CSMD1: variants seen among roughly 807,000 people sequenced by gnomAD.
The protein encoded by CSMD1 is CUB and sushi domain-containing protein 1.
Under a neutral mutation model 417.5 loss-of-function variants are expected in CSMD1, and 213 were observed. That is an observed-to-expected ratio of 0.51 (90% CI 0.46 to 0.57). The LOEUF is 0.57. Among genes scored for constraint, CSMD1 ranks in the 20% least tolerant of loss-of-function variants. CSMD1 has a pLI of 0.00. For missense variants in CSMD1, 6,923 were observed against 4,529.7 expected (o/e 1.53, Z -15.17); for synonymous variants, 2,862 against 1,736.8 (o/e 1.65, Z -16.11).
intron 4 of CSMD1, among the ~76,000 whole-genome samples, chr8:4,012,448 T>A (rs148636798): frequency 6.6e-6 from 1 of 152,268 alleles, no homozygotes; most frequent in African/African-American, 2.4e-5. Flanking sequence ...TTATTTTTGT[T>A]TCAGGGGTAC....
chr8:3,158,094 GTGAAATCTGTTTTTAGTAAT>G, intron 38 of CSMD1, 128 bp from the exon 39 acceptor site: 1 of 760,440 alleles, frequency 1.3e-6, no homozygotes, highest in Non-Finnish European at 2.1e-6. Context: ...TTCAAAAATT[GTGAAATCTGTTTTTAGTAAT>G]GATTATTAGT....
At chr8:4,516,783 CT>C (rs1265654076) in intron 2 of CSMD1, among the ~76,000 whole-genome samples, 113 of 152,244 alleles carry the variant, frequency 7.4e-4, no homozygotes, top group African/African-American at 2.6e-3. Context: ...ATGTAAAGTT[CT>C]TGTTGACCAA....
intron 19 of CSMD1, 145 bp from the exon 20 acceptor site, chr8:3,367,392 T>C: frequency 3.2e-6 from 2 of 619,220 alleles, no homozygotes; most frequent in Non-Finnish European, 2.9e-6. Context: ...GGAAGACAGA[T>C]TGCAGAGAGT....
At chr8:3,509,911 G>C (rs868823750) in intron 10 of CSMD1, among the ~76,000 whole-genome samples, 4 of 152,082 alleles carry the variant, frequency 2.6e-5, no homozygotes, top group East Asian at 1.9e-4. Flanking sequence ...GAAGCGATGA[G>C]GGCAACGCTT....
intron 68 of CSMD1, among the ~76,000 whole-genome samples, chr8:2,948,145 T>C (rs1802380527): frequency 6.6e-6 from 1 of 152,048 alleles, no homozygotes. Context: ...AGAAATATGG[T>C]GCCAAGGTTG....
intron 1 of CSMD1, among the ~76,000 whole-genome samples, chr8:4,827,044 G>C (rs1055279073): frequency 6.6e-6 from 1 of 152,032 alleles, no homozygotes; most frequent in Non-Finnish European, 1.5e-5. Context: ...TCCATGGATG[G>C]CTAACAGACT....
intron 1 of CSMD1, among the ~76,000 whole-genome samples, chr8:4,783,036 A>T (rs1331255489): frequency 2.6e-5 from 4 of 152,076 alleles, no homozygotes; most frequent in Non-Finnish European, 5.9e-5. Flanking sequence ...GGTAGCATTA[A>T]CTCTATAAAC....
chr8:3,871,982 G>C (rs575959448), intron 5 of CSMD1, among the ~76,000 whole-genome samples: 1 of 152,274 alleles, frequency 6.6e-6, no homozygotes, highest in African/African-American at 2.4e-5. Flanking sequence ...CTACAAACCT[G>C]CACTATTTCC....
chr8:3,074,169 G>A (rs1287845330), intron 49 of CSMD1, among the ~76,000 whole-genome samples: 2 of 152,324 alleles, frequency 1.3e-5, no homozygotes, highest in Admixed American at 6.5e-5. Context: ...AGCGTCCAGA[G>A]GCCCTGTGTT....
At chr8:3,043,609 G>C (rs1311966271) in intron 50 of CSMD1, 1 of 152,090 alleles carries the variant, frequency 6.6e-6, no homozygotes, top group Non-Finnish European at 1.5e-5. Flanking sequence ...CTGACTAGTA[G>C]TAGTTTTAGC....
intron 4 of CSMD1, among the ~76,000 whole-genome samples, chr8:4,018,732 G>C (rs1796642118): frequency 6.6e-6 from 1 of 152,178 alleles, no homozygotes; most frequent in Admixed American, 6.5e-5. Flanking sequence ...TGAGTTAGAA[G>C]AGAACGGACA....
chr8:4,428,782 T>C (rs990323339), intron 2 of CSMD1, among the ~76,000 whole-genome samples: 1 of 152,092 alleles, frequency 6.6e-6, no homozygotes, highest in African/African-American at 2.4e-5. Flanking sequence ...TGCAGTGGCG[T>C]GATCTTGGCT....
intron 2 of CSMD1, among the ~76,000 whole-genome samples, chr8:4,460,072 G>C (rs933417718): frequency 5.3e-5 from 8 of 152,090 alleles, no homozygotes; most frequent in African/African-American, 1.7e-4. Context: ...TTGTTTTCAA[G>C]GGCGTATGAA....
intron 7 of CSMD1, among the ~76,000 whole-genome samples, chr8:3,618,192 G>A (rs1450395318): frequency 1.3e-5 from 2 of 152,076 alleles, no homozygotes; most frequent in Non-Finnish European, 2.9e-5. Flanking sequence ...CTTTTCTAGA[G>A]ATGGAGTCTC....
At chr8:4,914,937 G>T (rs372197880) in intron 1 of CSMD1, among the ~76,000 whole-genome samples, 2 of 152,110 alleles carry the variant, frequency 1.3e-5, no homozygotes, top group South Asian at 2.1e-4. Context: ...TTTATCCAAA[G>T]AAAATGATGA....
chr8:4,639,935 G>C (rs1212802439), intron 1 of CSMD1, among the ~76,000 whole-genome samples: 1 of 152,074 alleles, frequency 6.6e-6, no homozygotes, highest in East Asian at 1.9e-4. Context: ...AAAGCTGTGG[G>C]GTTTTGAAAG....
In CSMD1 at chr8:2,938,408, G is replaced by A. The variant is rs968257661; in HGVS notation, c.*177C>T. On this transcript the variant is annotated 3_prime_UTR_variant, in exon 70 of 70. Coordinates refer to ENST00000635120, the MANE Select transcript of CSMD1 (RefSeq NM_033225.6). Reference sequence around the variant, plus strand: ...TGAAAACGCATGTGTAGTTTGATCCGTAGAAGACCCTGACACATTTGAGTA... The same window carrying A: ...TGAAAACGCATGTGTAGTTTGATCCATAGAAGACCCTGACACATTTGAGTA... The A allele has an allele frequency of 1.0e-5, 6 of 592,794 alleles. No individual in the cohort carries two copies. The highest frequency in any genetic ancestry group is 3.4e-5 in the Admixed American group (1 of 29,822). The allele number at this position is 592,794 out of a possible 1,614,324, so 36.7% of individuals were successfully genotyped here. A position where few individuals can be genotyped will look rare whatever the true frequency, so the allele number is the denominator to read the frequency against.
intron 3 of CSMD1, among the ~76,000 whole-genome samples, chr8:4,174,112 T>C (rs911817872): frequency 1.3e-5 from 2 of 152,040 alleles, no homozygotes; most frequent in African/African-American, 4.8e-5. Context: ...GAGTGGAGGG[T>C]AGGGCAAGCC....
chr8:4,339,027 A>G (rs896201304), intron 3 of CSMD1, among the ~76,000 whole-genome samples: 2 of 152,130 alleles, frequency 1.3e-5, no homozygotes, highest in Admixed American at 6.6e-5. Flanking sequence ...GTGAGGCTCA[A>G]TTGCTGTAGA....
Sources: allele counts gnomAD v4.1 joint callset (sites outside exome capture counted in the v4.1 genomes callset), GRCh38; gene constraint gnomAD v4.1.1; transcripts MANE v1.5; gene names NCBI Gene and HGNC (gene_info 2026-07-23, HGNC 2026-07-21).